The following LDLRAD4 variants were observed in gnomAD, a reference collection of about 807,000 sequenced individuals.
LDLRAD4 encodes the protein low-density lipoprotein receptor class A domain-containing protein 4.
LDLRAD4 carries 5 observed loss-of-function variants against 17.0 expected under a neutral mutation model. The observed-to-expected ratio is 0.29, with a 90% CI of 0.15 to 0.62. LDLRAD4 has a LOEUF of 0.62. Ranked by LOEUF, LDLRAD4 falls within the 20% of genes least tolerant of loss-of-function variation. The pLI is 0.84. For synonymous variants in LDLRAD4, 168 were observed against 171.8 expected, an observed-to-expected ratio of 0.98 and a Z score of 0.17; for missense variants, 340 against 424.7, an observed-to-expected ratio of 0.80 and a Z score of 1.75.
chr18:13,527,826 A>G (rs981276128), intron 3 of LDLRAD4, among the ~76,000 whole-genome samples: 2 of 152,194 alleles, frequency 1.3e-5, no homozygotes, highest in Admixed American at 6.5e-5. Flanking sequence ...TGGCCTTCAC[A>G]GAGGCAGCCC....
At chr18:13,391,940 T>C (rs1412789336) in intron 2 of LDLRAD4, among the ~76,000 whole-genome samples, 1 of 152,250 alleles carries the variant, frequency 6.6e-6, no homozygotes, top group Non-Finnish European at 1.5e-5. Context: ...TGTTGTTGGA[T>C]AGTCCACTTT....
intron 3 of LDLRAD4, among the ~76,000 whole-genome samples, chr18:13,470,207 T>C (rs897898427): frequency 6.6e-6 from 1 of 152,106 alleles, no homozygotes; most frequent in Non-Finnish European, 1.5e-5. Context: ...AAATCTCCAA[T>C]AGAGGGCTGC....
At chr18:13,334,188 T>C (rs1302754967) in intron 1 of LDLRAD4, among the ~76,000 whole-genome samples, 1 of 152,222 alleles carries the variant, frequency 6.6e-6, no homozygotes, top group African/African-American at 2.4e-5. Flanking sequence ...TATTTTAAAT[T>C]TCATATTTCA....
intron 3 of LDLRAD4, among the ~76,000 whole-genome samples, chr18:13,495,940 A>G (rs2093460689): frequency 6.6e-6 from 1 of 152,108 alleles, no homozygotes; most frequent in Non-Finnish European, 1.5e-5. Context: ...GTTTCTTCCC[A>G]CGGATTTTTC....
chr18:13,555,933 TC>T, intron 3 of LDLRAD4, among the ~76,000 whole-genome samples: 1 of 152,198 alleles, frequency 6.6e-6, no homozygotes, highest in Non-Finnish European at 1.5e-5. Flanking sequence ...ATTGGTGTCT[TC>T]CTTGCAGCTT....
At position 13,537,446 on chromosome 18, in the gene LDLRAD4, A is replaced by G. The variant is rs552237872; in HGVS notation, c.182-83671A>G. 2.5e-3 allele frequency among the ~76,000 whole-genome samples: 384 copies of G among 152,270 alleles called. 4 individuals are homozygous for G. Among genetic ancestry groups the G allele is most frequent in the African/African-American group, 7.8e-3 (325 of 41,546 alleles). On this transcript the variant is annotated intron_variant, in intron 3 of 5. Coordinates refer to ENST00000359446, the Ensembl canonical transcript of LDLRAD4. ...CATCAGGCATTAGTTAGATTCTCAT[A>G]AGGAGCATGCAACCTAGATCCCTCA...
intron 2 of LDLRAD4, among the ~76,000 whole-genome samples, chr18:13,417,829 T>TGTGTGTGTGTG (rs1491451415): frequency 3.9e-5 from 6 of 151,986 alleles, no homozygotes; most frequent in Non-Finnish European, 7.4e-5. Context: ...TGTAGGTAAA[T>TGTGTGTGTGTG]GTGTGTGTGT....
At chr18:13,422,646 CA>C (rs1446210057) in intron 2 of LDLRAD4, among the ~76,000 whole-genome samples, 2 of 152,224 alleles carry the variant, frequency 1.3e-5, no homozygotes, top group East Asian at 3.9e-4. Context: ...TGCAGTGAGC[CA>C]CGATCACATC....
intron 3 of LDLRAD4, among the ~76,000 whole-genome samples, chr18:13,608,392 G>A (rs2095245416): frequency 6.6e-6 from 1 of 152,152 alleles, no homozygotes; most frequent in African/African-American, 2.4e-5. Flanking sequence ...GGGGGTGAGA[G>A]CTGGGGCTGG....
Position 13,262,145 on chromosome 18 carries a change from C to T in LDLRAD4, c.-466-15960C>T, listed in dbSNP as rs957718122. ...AGCTCTGTGCGTGGAAACTGAGTCC[C>T]GTGCGGCTCTGTGCGTGGGGGCTGA... On this transcript the variant is annotated intron_variant, in intron 1 of 5. Coordinates refer to the LDLRAD4 transcript ENST00000399848. Among the ~76,000 whole-genome samples, 15 of 126,182 alleles carry T rather than the reference C, an allele frequency of 1.2e-4. No homozygotes were observed. The East Asian group carries it at 1.2e-3, about 10-fold the overall frequency. The allele number at this position is 126,182 out of a possible 152,430, so 82.8% of individuals were successfully genotyped here.
intron 3 of LDLRAD4, among the ~76,000 whole-genome samples, chr18:13,580,778 T>C (rs1208943948): frequency 6.6e-6 from 1 of 152,238 alleles, no homozygotes; most frequent in Non-Finnish European, 1.5e-5. Context: ...TCCTGGCTTA[T>C]GAAACTGTCA....
At chr18:13,438,452 A>G (rs1249357841) in intron 3 of LDLRAD4, 68 bp downstream of exon 4, 2 of 1,288,676 alleles carry the variant, frequency 1.6e-6, no homozygotes. Context: ...AGGTGGGGTC[A>G]CTGGGACATG....
intron 3 of LDLRAD4, among the ~76,000 whole-genome samples, chr18:13,616,556 G>A (rs28566803): frequency 0.068 from 10,313 of 152,248 alleles, 1,104 homozygotes; most frequent in African/African-American, 0.23. Flanking sequence ...GCTCTGCCGC[G>A]TGTGTGGGCC....
chr18:13,597,945 A>C (rs1230270603), intron 3 of LDLRAD4, among the ~76,000 whole-genome samples: 1 of 152,108 alleles, frequency 6.6e-6, no homozygotes, highest in African/African-American at 2.4e-5. Context: ...TTGCTTCTTT[A>C]ATCATTGTTT....
chr18:13,614,120 GGCCGTTGGGGT>G (rs1328701509), intron 3 of LDLRAD4: 1 of 152,250 alleles, frequency 6.6e-6, no homozygotes, highest in African/African-American at 2.4e-5. Flanking sequence ...AAGCAGGTCA[GGCCGTTGGGGT>G]CCCTTCGTTC....
intron 3 of LDLRAD4, among the ~76,000 whole-genome samples, chr18:13,609,518 CGT>C (rs755496113): frequency 8.5e-5 from 10 of 117,518 alleles, no homozygotes; most frequent in South Asian, 5.9e-4. Context: ...GCTCATTATG[CGT>C]GTGTGTGTGC....
chr18:13,482,443 A>G (rs185686010), intron 3 of LDLRAD4, among the ~76,000 whole-genome samples: 4 of 152,380 alleles, frequency 2.6e-5, no homozygotes, highest in Admixed American at 6.5e-5. Flanking sequence ...GAAGCTCTGT[A>G]TTGGCAAAAA....
chr18:13,356,104 C>G (rs964407121), intron 1 of LDLRAD4, among the ~76,000 whole-genome samples: 1 of 152,254 alleles, frequency 6.6e-6, no homozygotes, highest in Non-Finnish European at 1.5e-5. Context: ...AGCACAATCC[C>G]ATGAGACCTT....
chr18:13,637,038 TCCACTCA>T (rs1481343560), intron 4 of LDLRAD4, among the ~76,000 whole-genome samples: 8 of 152,196 alleles, frequency 5.3e-5, no homozygotes, highest in Non-Finnish European at 1.2e-4. Context: ...CCTCAGGTGA[TCCACTCA>T]CCTTGGCCTT....
Sources: allele counts gnomAD v4.1 joint callset (sites outside exome capture counted in the v4.1 genomes callset), GRCh38; gene constraint gnomAD v4.1.1; transcripts MANE v1.5; gene names NCBI Gene and HGNC (gene_info 2026-07-23, HGNC 2026-07-21).